LRTM1: variants seen among roughly 807,000 people sequenced by gnomAD.
The protein encoded by LRTM1 is leucine rich repeat transmembrane protein 1.
A neutral mutation model predicts 32.4 loss-of-function variants in LRTM1; 38 were observed. The ratio of observed to expected loss-of-function variants is 1.17; its 90% confidence interval spans 0.91 to 1.54. LRTM1 has a LOEUF of 1.54. Among genes scored for constraint, LRTM1 ranks in the 40% most tolerant of loss-of-function variants. The pLI, the probability that LRTM1 is intolerant of heterozygous loss-of-function variation, is 0.00. For missense variants in LRTM1, 466 were observed against 415.4 expected (o/e 1.12, Z -1.06); for synonymous variants, 186 against 169.9 (o/e 1.09, Z -0.74).
At chr3:54,922,008 T>C (rs1277713838) in intron 2 of LRTM1, among the ~76,000 whole-genome samples, 3 of 152,194 alleles carry the variant, frequency 2.0e-5, no homozygotes, top group African/African-American at 7.2e-5. Flanking sequence ...TTGACACATA[T>C]TTGGATTTTT....
chr3:54,939,293 T>C (rs980528714), intron 1 of LRTM1, among the ~76,000 whole-genome samples: 2 of 152,214 alleles, frequency 1.3e-5, no homozygotes, highest in African/African-American at 4.8e-5. Flanking sequence ...AAATTGAAAC[T>C]TGATGAGACT....
intron 1 of LRTM1, among the ~76,000 whole-genome samples, chr3:54,952,124 A>G (rs1350787628): frequency 6.6e-6 from 1 of 152,070 alleles, no homozygotes; most frequent in Non-Finnish European, 1.5e-5. Flanking sequence ...GGGATTACAC[A>G]TGTTAGCCAC....
chr3:54,935,828 A>G (rs1399546821), intron 1 of LRTM1, among the ~76,000 whole-genome samples: 1 of 152,194 alleles, frequency 6.6e-6, no homozygotes, highest in Non-Finnish European at 1.5e-5. Context: ...TTTGTTCTAT[A>G]TGAGTTCTTT....
intron 1 of LRTM1, among the ~76,000 whole-genome samples, chr3:54,949,209 G>T (rs912499503): frequency 6.6e-6 from 1 of 152,126 alleles, no homozygotes; most frequent in Non-Finnish European, 1.5e-5. Context: ...TATCACTTTG[G>T]CACAGGAGCA....
chr3:54,929,632 A>G (rs1701134853), upstream of LRTM1, among the ~76,000 whole-genome samples: 2 of 152,120 alleles, frequency 1.3e-5, no homozygotes, highest in South Asian at 4.1e-4. Context: ...CCTTCTCTCC[A>G]ACATTTTTTT....
chr3:54,924,420 A>AT (rs1262012359), intron 2 of LRTM1, among the ~76,000 whole-genome samples, 199 bp downstream of exon 2: 5 of 152,224 alleles, frequency 3.3e-5, no homozygotes, highest in Non-Finnish European at 7.3e-5. Context: ...ATATTTGTAG[A>AT]TTAATTTCGA....
intron 1 of LRTM1, among the ~76,000 whole-genome samples, chr3:54,933,506 C>T (rs529915868): frequency 6.6e-6 from 1 of 152,302 alleles, no homozygotes; most frequent in East Asian, 1.9e-4. Context: ...AGAATTAAAT[C>T]ACATGACCAT....
chr3:54,940,593 C>G (rs1428811316), intron 1 of LRTM1, among the ~76,000 whole-genome samples: 1 of 152,130 alleles, frequency 6.6e-6, no homozygotes, highest in African/African-American at 2.4e-5. Context: ...AAAAACCTTG[C>G]TACAGGCTAC....
chr3:54,948,235 G>A (rs182034797), intron 1 of LRTM1, among the ~76,000 whole-genome samples: 71 of 152,312 alleles, frequency 4.7e-4, no homozygotes, highest in African/African-American at 1.7e-3. Context: ...AAAAGTATGT[G>A]TGATGTGAGC....
chr3:54,928,255 C>T (rs1575383090), upstream of LRTM1, among the ~76,000 whole-genome samples: 1 of 152,182 alleles, frequency 6.6e-6, no homozygotes, highest in Non-Finnish European at 1.5e-5. Flanking sequence ...CCTTGGTGAA[C>T]AGCTGTAGCA....
chr3:54,921,525 T>G (rs1700850501), intron 2 of LRTM1, among the ~76,000 whole-genome samples: 1 of 152,236 alleles, frequency 6.6e-6, no homozygotes, highest in Admixed American at 6.5e-5. Flanking sequence ...CACATCTTTT[T>G]GCTCTTAGGC....
chr3:54,960,199 T>C (rs11717922), intron 1 of LRTM1, among the ~76,000 whole-genome samples: 56,899 of 151,886 alleles, frequency 0.37, 13,223 homozygotes, highest in East Asian at 0.57. Flanking sequence ...CAGATTAAAA[T>C]AGGCCTCCTC....
intron 1 of LRTM1, among the ~76,000 whole-genome samples, chr3:54,943,354 T>G (rs1188481129): frequency 1.3e-5 from 2 of 152,176 alleles, no homozygotes; most frequent in South Asian, 2.1e-4. Context: ...CAAGTTAAGA[T>G]TGCCGTTTTT....
intron 1 of LRTM1, among the ~76,000 whole-genome samples, chr3:54,951,937 A>AC (rs1329609664): frequency 6.6e-6 from 1 of 151,948 alleles, no homozygotes; most frequent in African/African-American, 2.4e-5. Flanking sequence ...CAACCTCCCT[A>AC]CCCCAGGTTC....
At chr3:54,932,154 G>C (rs1435375111), upstream of LRTM1, among the ~76,000 whole-genome samples, 1 of 152,036 alleles carries the variant, frequency 6.6e-6, no homozygotes, top group Non-Finnish European at 1.5e-5. Context: ...ACAGCAGCCT[G>C]GGCAACAGAG....
At chr3:54,958,657 G>A (rs1480936311) in intron 1 of LRTM1, among the ~76,000 whole-genome samples, 1 of 152,160 alleles carries the variant, frequency 6.6e-6, no homozygotes, top group Non-Finnish European at 1.5e-5. Flanking sequence ...GTTGATGGAG[G>A]TGGCCTTGGT....
intron 1 of LRTM1, among the ~76,000 whole-genome samples, chr3:54,949,547 C>T (rs1701702530): frequency 1.3e-5 from 2 of 152,188 alleles, no homozygotes; most frequent in South Asian, 4.1e-4. Context: ...CAGCTCAGAA[C>T]TTGTGTAAAT....
At chr3:54,939,322 C>G (rs1575392711) in intron 1 of LRTM1, among the ~76,000 whole-genome samples, 1 of 152,160 alleles carries the variant, frequency 6.6e-6, no homozygotes, top group Non-Finnish European at 1.5e-5. Flanking sequence ...TGCCTGAGAC[C>G]CAATTTCTAA....
intron 2 of LRTM1, among the ~76,000 whole-genome samples, chr3:54,923,346 T>G (rs1364775259): frequency 1.3e-5 from 2 of 152,062 alleles, no homozygotes; most frequent in Non-Finnish European, 1.5e-5. Flanking sequence ...GTTTTCCCCC[T>G]CATCAAGCCC....
Sources: gnomAD v4.1 joint callset for allele counts (sites outside exome capture counted in the v4.1 genomes callset) on GRCh38, gnomAD v4.1.1 for gene constraint, MANE v1.5 for transcripts, NCBI Gene and HGNC (gene_info 2026-07-23, HGNC 2026-07-21) for gene names.